Variants in CELA3A observed in about 807,000 individuals in gnomAD.
CELA3A encodes chymotrypsin-like elastase family member 3A.
CELA3A carries 35 observed loss-of-function variants against 38.6 expected under a neutral mutation model. The ratio of observed to expected loss-of-function variants is 0.91; its 90% CI spans 0.69 to 1.20. CELA3A has a LOEUF of 1.20. CELA3A is among the 50% of genes most tolerant of loss of function. The pLI, the probability that CELA3A is intolerant of heterozygous loss-of-function variation, is 0.00. For missense variants in CELA3A, 343 were observed against 354.2 expected (o/e 0.97, Z 0.25); for synonymous variants, 143 against 136.7 (o/e 1.05, Z -0.32).
At chr1:22,003,250 G>T (rs1644928959) in intron 2 of CELA3A, among the ~76,000 whole-genome samples, 162 bp downstream of exon 2, 1 of 151,022 alleles carries the variant, frequency 6.6e-6, no homozygotes, top group South Asian at 2.1e-4. Context: ...GGGAGGTTTT[G>T]CCCGTTTCAT....
intron 2 of CELA3A, among the ~76,000 whole-genome samples, chr1:22,005,084 G>A (rs1644941260): frequency 6.7e-6 from 1 of 148,502 alleles, no homozygotes; most frequent in Non-Finnish European, 1.5e-5. Flanking sequence ...TGGGGAACAA[G>A]AGCAAAACTC....
intron 5 of CELA3A, among the ~76,000 whole-genome samples, 167 bp downstream of exon 5, chr1:22,007,181 C>T (rs2152819603): frequency 6.6e-6 from 1 of 151,696 alleles, no homozygotes; most frequent in Admixed American, 6.6e-5. Context: ...TGGTCAATTG[C>T]ACATGTTTTG....
Position 22,007,436 on chromosome 1 carries a change from G to C in CELA3A, c.563G>C (p.Cys188Ser). The change falls in exon 6 of 8, where the codon TGC becomes TCC. Residue 188 changes from cysteine (C) to serine (S), a missense_variant. Cys to Ser is a moderately radical substitution (Grantham distance 112, BLOSUM62 -1). Coordinates refer to ENST00000290122, the MANE Select transcript of CELA3A (RefSeq NM_005747.5). ...ARLPVVDYKH[C>S]SRWNWWGSTV... Reference sequence around the variant, plus strand: ...CTGCCCGTGGTGGACTATAAGCACTGCTCCAGGTGGAACTGGTGGGGTTCC... The same window carrying C: ...CTGCCCGTGGTGGACTATAAGCACTCCTCCAGGTGGAACTGGTGGGGTTCC... The C allele has an allele frequency of 6.2e-7, 1 of 1,612,622 alleles. No individual in the cohort carries two copies. The highest frequency in any genetic ancestry group is 8.5e-7 in the Non-Finnish European group (1 of 1,179,458).
At chr1:22,004,683 C>T (rs1644938050) in intron 2 of CELA3A, among the ~76,000 whole-genome samples, 1 of 151,796 alleles carries the variant, frequency 6.6e-6, no homozygotes. Flanking sequence ...AGTTTGCTAA[C>T]CCTGGTCTAG....
chr1:22,004,339 C>G lies in CELA3A; in HGVS notation c.130-1108C>G, dbSNP rs1056616416. ...CCTCCTGTCTTGACCTCCCACAGTG[C>G]TGGGATTATAGGCGTAAGCCACCAT... On this transcript the variant is annotated intron_variant, in intron 2 of 7. Transcript: ENST00000290122. Among the ~76,000 whole-genome samples, 3 of 151,112 alleles carry G rather than the reference C, an allele frequency of 2.0e-5. 1 individual carries two copies. Among genetic ancestry groups the G allele is most frequent in the African/African-American group, 7.4e-5 (3 of 40,796 alleles).
rs749120464 is a variant in CELA3A, at chr1:22,005,719, C to T, written c.285C>T (p.Gly95=). ...AGTACAACCTTGCTGTGAAGGAGGG[C>T]CCCGAGCAGGTGATCCCCATCAACT... The part of the protein sequence containing the change: ...LGEYNLAVKE[G]PEQVIPINSE... The change falls in exon 4 of 8, where the codon GGC becomes GGT. Residue 95 remains glycine, a synonymous_variant. Transcript: ENST00000290122. 6 of 1,612,330 alleles carry T rather than the reference C, an allele frequency of 3.7e-6. 1 individual carries two copies. In the Admixed American group the frequency reaches 5.0e-5, roughly 13 times the overall value.
At chr1:22,007,670 C>A (rs1327396381) in intron 6 of CELA3A, among the ~76,000 whole-genome samples, 155 bp downstream of exon 6, 1 of 151,014 alleles carries the variant, frequency 6.6e-6, no homozygotes, top group Non-Finnish European at 1.5e-5. Context: ...AGTCCAGACA[C>A]AGAGCCCAGG....
At chr1:22,011,001 C>A (rs1433366154) in intron 7 of CELA3A, 5 of 151,290 alleles carry the variant, frequency 3.3e-5, no homozygotes, top group Non-Finnish European at 1.5e-5. Flanking sequence ...GCTTTGGCAG[C>A]ACATGTACTA....
intron 6 of CELA3A, among the ~76,000 whole-genome samples, chr1:22,008,832 C>A (rs112882511): frequency 7.6e-3 from 1,160 of 152,110 alleles, no homozygotes; most frequent in East Asian, 0.026. Context: ...AACTATGGTG[C>A]CACTAATAAG....
chr1:22,006,932 C>A lies in CELA3A; in HGVS notation c.417C>A (p.Val139=). The A allele has an allele frequency of 6.2e-7, 1 of 1,612,444 alleles. No individual in the cohort carries two copies. Among genetic ancestry groups the A allele is most frequent in the East Asian group, 2.2e-5 (1 of 44,688 alleles). Residue 139 remains valine, a synonymous_variant, in exon 5 of 8, where the codon GTC becomes GTA. Transcript: ENST00000290122. ...GCAGCGCCCAGCTGGGAGATGCCGT[C>A]CAGCTCGCCTCACTCCCTCCCGCTG... ...LSRSAQLGDA[V]QLASLPPAGD...
intron 5 of CELA3A, 74 bp from the exon 6 acceptor site, chr1:22,007,299 T>A: frequency 6.5e-7 from 1 of 1,532,590 alleles, no homozygotes; most frequent in East Asian, 2.3e-5. Flanking sequence ...CTGTGGGCCT[T>A]GAATGCCCCC....
intron 1 of CELA3A, among the ~76,000 whole-genome samples, chr1:22,002,108 G>C (rs565948861): frequency 6.6e-6 from 1 of 151,168 alleles, no homozygotes; most frequent in East Asian, 2.0e-4. Context: ...TGGTCTCTCT[G>C]CCATATTACA....
chr1:22,010,331 G>C (rs1644976202), intron 7 of CELA3A: 1 of 365,906 alleles, frequency 2.7e-6, no homozygotes, highest in East Asian at 7.7e-5. Context: ...AAAAAAGAGA[G>C]TAATAGCTGG....
rs2152819873 is a variant in CELA3A at position 22,009,760 on chromosome 1, A to C, written c.698A>C (p.His233Pro). The C allele has an allele frequency of 1.2e-6, 2 of 1,612,090 alleles. No individual in the cohort carries two copies. The highest frequency in any genetic ancestry group is 1.3e-5 in the African/African-American group (1 of 74,224). The stretch of plus-strand genomic sequence containing the variant: ...ACAGAGGATGGTGGCTGGCAGGTCC[A>C]CGGTGTGACCAGCTTTGTTTCTGCC... ...CPTEDGGWQV[H>P]GVTSFVSAFG... Residue 233 changes from histidine (H) to proline (P), a missense_variant, in exon 7 of 8, where the codon CAC (histidine) becomes CCC (proline). Coordinates refer to ENST00000290122, the MANE Select transcript of CELA3A (RefSeq NM_005747.5).
intron 2 of CELA3A, among the ~76,000 whole-genome samples, chr1:22,004,075 G>GC (rs35204733): frequency 0.097 from 13,126 of 135,618 alleles, 1,449 homozygotes; most frequent in African/African-American, 0.24. Context: ...TCTTTTCTTT[G>GC]TTTTTTTTTT....
At chr1:22,003,593 A>T (rs1644930902) in intron 2 of CELA3A, among the ~76,000 whole-genome samples, 1 of 150,730 alleles carries the variant, frequency 6.6e-6, no homozygotes, top group South Asian at 2.1e-4. Flanking sequence ...AGGCAGGAGA[A>T]TCCCTTGAAC....
chr1:22,010,962 AAACT>A (rs1644979889), intron 7 of CELA3A: 4 of 150,650 alleles, frequency 2.7e-5, no homozygotes, highest in Admixed American at 2.0e-4. Context: ...AAATGAAAAT[AAACT>A]AAATAAAATA....
intron 5 of CELA3A, 148 bp downstream of exon 5, chr1:22,007,162 A>T: frequency 7.2e-7 from 1 of 1,393,588 alleles, no homozygotes; most frequent in Non-Finnish European, 9.7e-7. Context: ...AACCTCCAAA[A>T]CACGAATGTG....
intron 7 of CELA3A, chr1:22,010,117 G>T: frequency 4.1e-6 from 2 of 484,310 alleles, no homozygotes; most frequent in Non-Finnish European, 7.7e-6. Flanking sequence ...TATCTCCTCT[G>T]GTCTTGTCCT....
Sources: gnomAD v4.1 joint callset for allele counts (sites outside exome capture counted in the v4.1 genomes callset) on GRCh38, gnomAD v4.1.1 for gene constraint, MANE v1.5 for transcripts, NCBI Gene and HGNC (gene_info 2026-07-23, HGNC 2026-07-21) for gene names.